Variants in MTRR observed in about 807,000 individuals in gnomAD.
MTRR encodes the protein 5-methyltetrahydrofolate-homocysteine methyltransferase reductase.
In MTRR, 63 loss-of-function variants were observed where a neutral mutation model predicts 79.2. That is an observed-to-expected ratio of 0.80 (90% CI 0.65 to 0.98). The LOEUF (loss-of-function observed/expected upper bound fraction) is 0.98. MTRR is among the 50% of genes least tolerant of loss of function. The pLI, the probability that MTRR is intolerant of heterozygous loss-of-function variation, is 0.00. For synonymous variants in MTRR, 355 were observed against 313.3 expected, an observed-to-expected ratio of 1.13 and a Z score of -1.41; for missense variants, 895 against 839.6, an observed-to-expected ratio of 1.07 and a Z score of -0.82.
chr5:7,863,313 G>T, intron 2 of MTRR: 1 of 283,750 alleles, frequency 3.5e-6, no homozygotes, highest in Non-Finnish European at 6.6e-6. Flanking sequence ...AATGCTAACA[G>T]TTCAAGAAAC....
Position 7,885,700 on chromosome 5 carries a change from G to A in MTRR, c.904-1G>A. On this transcript the variant is annotated splice_acceptor_variant, in intron 6 of 14. Transcript: ENST00000440940. LOFTEE classifies it high-confidence loss of function. ...TTTTTTTCATTTTGGCTCTTCTCTA[G>A]AATACAGACTTTTCCTATCAGCCTG... The A allele has an allele frequency of 6.2e-7, 1 of 1,605,698 alleles. No individual in the cohort carries two copies. Among genetic ancestry groups the A allele is most frequent in the South Asian group, 1.1e-5 (1 of 90,704 alleles).
At chr5:7,851,162 C>T, upstream of MTRR, 1 of 1,045,138 alleles carries the variant, frequency 9.6e-7, no homozygotes. Context: ...GAAACCGCCG[C>T]CTGGCGACCC....
At chr5:7,852,746 T>G (rs1209281791) in intron 1 of MTRR, among the ~76,000 whole-genome samples, 2 of 152,168 alleles carry the variant, frequency 1.3e-5, no homozygotes, top group African/African-American at 4.8e-5. Context: ...ATATGTTTTT[T>G]TTTTTTAAGC....
rs2126751184 is a variant in MTRR at position 7,886,627 on chromosome 5, C to T, written c.1070C>T (p.Pro357Leu). 1.9e-6 allele frequency: 3 copies of T among 1,613,462 alleles called. No individual in the cohort carries two copies. The highest frequency in any genetic ancestry group is 1.1e-5 in the South Asian group (1 of 91,070). ...ADTKKKGATL[P>L]QHIPAGCSLQ... ...TTTACCTGAAAAGGAGCTACCTTAC[C>T]CCAGCATATACCTGCGGGATGTTCT... The change falls in exon 8 of 15, where the codon CCC (proline) becomes CTC (leucine). Residue 357 changes from proline to leucine, a missense_variant. Pro to Leu is a moderately conservative substitution (Grantham distance 98, BLOSUM62 -3). Coordinates refer to ENST00000440940, the MANE Select transcript of MTRR (RefSeq NM_002454.3).
In MTRR at chr5:7,889,127, T is replaced by A; in HGVS notation, c.1179T>A (p.Ser393Arg). The stretch of plus-strand genomic sequence containing the variant: ...TGCGAGCCCTTGTGGACTATACCAG[T>A]GACAGTGCTGAAAAGCGCAGGCTAC... ...AFLRALVDYT[S>R]DSAEKRRLQE... is the part of the protein sequence containing the mutation. Residue 393 changes from serine (S) to arginine (R), a missense_variant, in exon 9 of 15, where the codon AGT (serine) becomes AGA (arginine). Coordinates refer to ENST00000440940, the MANE Select transcript of MTRR (RefSeq NM_002454.3). 1 of 1,614,106 alleles carries A rather than the reference T, an allele frequency of 6.2e-7. No individual in the cohort carries two copies. Among genetic ancestry groups the A allele is most frequent in the Non-Finnish European group, 8.5e-7 (1 of 1,179,974 alleles).
intron 1 of MTRR, chr5:7,861,745 C>T (rs745697590): frequency 8.6e-6 from 13 of 1,508,106 alleles, no homozygotes; most frequent in Middle Eastern, 1.7e-4. Context: ...TGATTCCTTC[C>T]ACCTTGCATT....
chr5:7,895,692 A>T (rs1202156369), intron 11 of MTRR, 42 bp from the exon 12 acceptor site: 2 of 1,611,296 alleles, frequency 1.2e-6, no homozygotes, highest in Admixed American at 3.3e-5. Flanking sequence ...ACTCTTGCCT[A>T]GGTTTTCTTT....
At chr5:7,881,186 C>T (rs541817860) in intron 5 of MTRR, among the ~76,000 whole-genome samples, 3 of 152,198 alleles carry the variant, frequency 2.0e-5, no homozygotes, top group African/African-American at 7.2e-5. Flanking sequence ...CTGTGTTCTG[C>T]CCTCCTCAAT....
chr5:7,867,900 A>C, upstream of MTRR: 2 of 1,614,156 alleles, frequency 1.2e-6, no homozygotes, highest in Non-Finnish European at 1.7e-6. Context: ...AACTTTTTAC[A>C]ATGGGCATGA....
intron 4 of MTRR, among the ~76,000 whole-genome samples, chr5:7,876,634 G>T (rs1320866908): frequency 2.6e-5 from 4 of 152,162 alleles, no homozygotes; most frequent in African/African-American, 9.7e-5. Context: ...CACTAAATGG[G>T]GTTACGAATG....
intron 14 of MTRR, among the ~76,000 whole-genome samples, chr5:7,898,090 G>C (rs1219204821): frequency 6.6e-6 from 1 of 152,146 alleles, no homozygotes; most frequent in African/African-American, 2.4e-5. Flanking sequence ...TTAAAAGCTA[G>C]CTTTGGCTAC....
chr5:7,858,473 CTCTT>C lies in MTRR; in HGVS notation n.392-3472_392-3469del, dbSNP rs552620193. Among the ~76,000 whole-genome samples the C allele has an allele frequency of 1.6e-3, 237 of 152,304 alleles. 1 individual carries two copies. The highest frequency in any genetic ancestry group is 4.9e-3 in the African/African-American group (204 of 41,560). On this transcript the variant is annotated intron_variant and non_coding_transcript_variant, in intron 1 of 3. Coordinates refer to the MTRR transcript ENST00000502509. Reference sequence around the variant, plus strand: ...ATCTCAATTTGCTTCCATTGCCTCTCTCTTTCTTTGTAATTGGAGACAAAAAATG... The same window carrying C: ...ATCTCAATTTGCTTCCATTGCCTCTCTCTTTGTAATTGGAGACAAAAAATG...
At chr5:7,880,352 G>C (rs1490101381) in intron 5 of MTRR, among the ~76,000 whole-genome samples, 1 of 152,198 alleles carries the variant, frequency 6.6e-6, no homozygotes, top group African/African-American at 2.4e-5. Flanking sequence ...AACTGTTTCT[G>C]ATCCTCTTTA....
At chr5:7,874,587 GCT>G (rs1491231546) in intron 3 of MTRR, among the ~76,000 whole-genome samples, 2 of 73,926 alleles carry the variant, frequency 2.7e-5, no homozygotes, top group Non-Finnish European at 5.8e-5. Context: ...AGGGATTTAA[GCT>G]TTTTTTTTTT....
chr5:7,891,289 ATTTT>A (rs71591748), intron 9 of MTRR, 79 bp from the exon 10 acceptor site: 2,683 of 363,218 alleles, frequency 7.4e-3, no homozygotes, highest in Middle Eastern at 9.2e-3. Flanking sequence ...AAGACATGGA[ATTTT>A]TTTTTTTTTT....
intron 3 of MTRR, 132 bp downstream of exon 3, chr5:7,873,658 A>G: frequency 1.9e-6 from 2 of 1,036,882 alleles, no homozygotes; most frequent in Non-Finnish European, 2.9e-6. Context: ...GTATATGTAT[A>G]TATAAATGTA....
chr5:7,883,498 CATAT>C lies in MTRR; in HGVS notation c.903+222_903+225del, dbSNP rs1352112452. On this transcript the variant is annotated intron_variant, in intron 6 of 14. Coordinates refer to ENST00000440940, the MANE Select transcript of MTRR (RefSeq NM_002454.3). ...TGCTGAGTTGTGTGGTGCTTGGTTA[CATAT>C]GCTGAGTTGTGTGGTGCTTGGTTAC... 6.2e-3 allele frequency among the ~76,000 whole-genome samples: 762 copies of C among 122,748 alleles called. 3 individuals are homozygous for C. Among genetic ancestry groups the C allele is most frequent in the African/African-American group, 0.021 (721 of 33,590 alleles). 80.5% of individuals were successfully genotyped at this position (122,748 alleles called of 152,430 possible).
At chr5:7,876,732 C>A (rs1734618375) in intron 4 of MTRR, among the ~76,000 whole-genome samples, 2 of 152,260 alleles carry the variant, frequency 1.3e-5, no homozygotes, top group South Asian at 2.1e-4. Flanking sequence ...CTTTTTGTTC[C>A]TTGGTTTTTG....
At chr5:7,862,241 T>C (rs1447302286) in intron 2 of MTRR, among the ~76,000 whole-genome samples, 1 of 152,162 alleles carries the variant, frequency 6.6e-6, no homozygotes, top group African/African-American at 2.4e-5. Context: ...TTAGAAGAAC[T>C]GTAAGGACGG....
Sources: allele counts gnomAD v4.1 joint callset (sites outside exome capture counted in the v4.1 genomes callset), GRCh38; gene constraint gnomAD v4.1.1; transcripts MANE v1.5; gene names NCBI Gene and HGNC (gene_info 2026-07-23, HGNC 2026-07-21).